GSE1: variants seen among roughly 807,000 people sequenced by gnomAD.
GSE1 encodes genetic suppressor element 1.
Under a neutral mutation model 112.6 loss-of-function variants are expected in GSE1, and 32 were observed. The ratio of observed to expected loss-of-function variants is 0.28; its 90% CI spans 0.21 to 0.38. The LOEUF is 0.38. Ranked by LOEUF, GSE1 falls within the 10% of genes least tolerant of loss-of-function variation. GSE1 has a pLI of 1.00. For synonymous variants in GSE1, 1,115 were observed against 735.6 expected, an observed-to-expected ratio of 1.52 and a Z score of -8.35; for missense variants, 2,348 against 1,699.2, an observed-to-expected ratio of 1.38 and a Z score of -6.71.
In GSE1 at chr16:85,666,240, C is replaced by A; in HGVS notation, c.3023C>A (p.Thr1008Asn). Residue 1008 changes from threonine (T) to asparagine (N), a missense_variant, in exon 13 of 16, where the codon ACC becomes AAC. Physicochemically the swap from Thr to Asn is moderately conservative, Grantham distance 65. Transcript: ENST00000253458. ...KDIPVPLSHS[T>N]NGKSKPWEPF... Reference sequence around the variant, plus strand: ...ATTCCTGTGCCGCTGTCCCACAGCACCAATGGGAAGAGCAAGCCGTGGGAG... The same window carrying A: ...ATTCCTGTGCCGCTGTCCCACAGCAACAATGGGAAGAGCAAGCCGTGGGAG... 6.2e-7 allele frequency: 1 copy of A among 1,613,812 alleles called. No individual in the cohort carries two copies. The highest frequency in any genetic ancestry group is 1.1e-5 in the South Asian group (1 of 91,090).
At chr16:85,480,064 G>GC (rs2050623554) in intron 2 of GSE1, among the ~76,000 whole-genome samples, 1 of 152,192 alleles carries the variant, frequency 6.6e-6, no homozygotes, top group Admixed American at 6.5e-5. Flanking sequence ...CCGGTCCCCA[G>GC]CACTTGGTTG....
chr16:85,541,704 G>A (rs896635430), intron 2 of GSE1, among the ~76,000 whole-genome samples: 1 of 152,240 alleles, frequency 6.6e-6, no homozygotes, highest in Admixed American at 6.5e-5. Context: ...GCTGTCTGGA[G>A]GACAGAGCGG....
At position 85,667,814 on chromosome 16, in the gene GSE1, C is replaced by T. The variant is rs575494087; in HGVS notation, c.3131-326C>T. Among the ~76,000 whole-genome samples the T allele has an allele frequency of 1.2e-4, 19 of 152,290 alleles. No individual in the cohort carries two copies. The South Asian group carries it at 2.7e-3, about 22-fold the overall frequency. On this transcript the variant is annotated intron_variant, in intron 13 of 15. Transcript: ENST00000253458. ...GGGAAGTTGCAGTGAGCCGAGATCA[C>T]GCCATTTCTCTCCAGCCTGCTACCC...
At chr16:85,555,447 C>T (rs992481364), upstream of GSE1, 1 of 983,834 alleles carries the variant, frequency 1.0e-6, no homozygotes, top group South Asian at 4.7e-5. Context: ...GCTCCCCAGC[C>T]TGCTTTCTCC....
intron 2 of GSE1, among the ~76,000 whole-genome samples, chr16:85,500,178 C>T (rs527630709): frequency 1.4e-4 from 21 of 152,276 alleles, no homozygotes; most frequent in South Asian, 4.1e-4. Flanking sequence ...AGGTGCAGAG[C>T]GAGGCCCGCT....
intron 1 of GSE1, among the ~76,000 whole-genome samples, chr16:85,606,279 A>C (rs1236548328): frequency 1.3e-5 from 2 of 152,218 alleles, no homozygotes; most frequent in African/African-American, 4.8e-5. Flanking sequence ...AATATGAAAA[A>C]TGGGAACTAG....
chr16:85,653,499 C>G lies in GSE1; in HGVS notation c.427-779C>G, dbSNP rs182532249. 2.0e-5 allele frequency among the ~76,000 whole-genome samples: 3 copies of G among 151,290 alleles called. No homozygotes were observed. In the East Asian group the frequency reaches 6.0e-4, roughly 30 times the overall value. On this transcript the variant is annotated intron_variant, in intron 3 of 15. Transcript: ENST00000253458. ...GGTGGGCTTTGGGCCACTGCCTCCTCCTGCTTTGTGCCTGGAGAAGACCCC... is the reference window on the plus strand; with the variant it reads ...GGTGGGCTTTGGGCCACTGCCTCCTGCTGCTTTGTGCCTGGAGAAGACCCC...
intron 1 of GSE1, among the ~76,000 whole-genome samples, chr16:85,209,762 GC>G (rs1254737331): frequency 6.6e-6 from 1 of 152,210 alleles, no homozygotes; most frequent in Non-Finnish European, 1.5e-5. Context: ...TGCCTGCTGG[GC>G]CTGCCCTGGT....
chr16:85,242,232 A>C (rs1905224763), intron 1 of GSE1, among the ~76,000 whole-genome samples: 1 of 152,150 alleles, frequency 6.6e-6, no homozygotes, highest in African/African-American at 2.4e-5. Context: ...CACAAGCTTC[A>C]GTATCCTCTG....
chr16:85,199,247 G>A (rs1185947925), intron 1 of GSE1, among the ~76,000 whole-genome samples: 1 of 151,914 alleles, frequency 6.6e-6, no homozygotes, highest in African/African-American at 2.4e-5. Flanking sequence ...ATGAGCCACC[G>A]TGCCCCGCCT....
chr16:85,620,137 C>T (rs1032030594), intron 1 of GSE1, among the ~76,000 whole-genome samples: 1 of 152,058 alleles, frequency 6.6e-6, no homozygotes, highest in African/African-American at 2.4e-5. Flanking sequence ...ATAAAAAGAA[C>T]TGGCCAGGCT....
At chr16:85,523,764 C>T (rs554816563) in intron 2 of GSE1, among the ~76,000 whole-genome samples, 33 of 152,338 alleles carry the variant, frequency 2.2e-4, no homozygotes, top group African/African-American at 7.9e-4. Context: ...CCTGGTAGCT[C>T]AGTCTAGGTG....
chr16:85,552,375 A>C (rs1466128851), upstream of GSE1, among the ~76,000 whole-genome samples: 1 of 87,278 alleles, frequency 1.1e-5, no homozygotes, highest in Non-Finnish European at 2.2e-5. Flanking sequence ...CTCTGTGCCC[A>C]GGCTGGAGTG....
At chr16:85,199,101 T>C (rs756408143) in intron 1 of GSE1, among the ~76,000 whole-genome samples, 37 of 152,236 alleles carry the variant, frequency 2.4e-4, no homozygotes, top group Non-Finnish European at 4.3e-4. Flanking sequence ...TGTGCTACCA[T>C]GCCCAGCTAA....
chr16:85,306,640 C>G (rs1452716854), intron 1 of GSE1, among the ~76,000 whole-genome samples: 2 of 152,148 alleles, frequency 1.3e-5, no homozygotes, highest in African/African-American at 4.8e-5. Context: ...CCTCATCCTC[C>G]TGGGTTCAAG....
chr16:85,209,243 C>T (rs2075180876), intron 1 of GSE1, among the ~76,000 whole-genome samples: 1 of 152,156 alleles, frequency 6.6e-6, no homozygotes, highest in Non-Finnish European at 1.5e-5. Flanking sequence ...GAGGTAGGCA[C>T]AATGCTCCCA....
intron 13 of GSE1, among the ~76,000 whole-genome samples, chr16:85,667,812 C>A (rs1345363756): frequency 6.6e-6 from 1 of 152,172 alleles, no homozygotes; most frequent in South Asian, 2.1e-4. Context: ...GAGCCGAGAT[C>A]ACGCCATTTC....
chr16:85,628,904 C>T (rs1260965369), intron 1 of GSE1, among the ~76,000 whole-genome samples: 5 of 152,130 alleles, frequency 3.3e-5, no homozygotes, highest in East Asian at 1.9e-4. Context: ...GTGTCCCCTC[C>T]GAATCTCATG....
At chr16:85,357,824 T>C (rs1056086718) in intron 2 of GSE1, among the ~76,000 whole-genome samples, 3 of 152,146 alleles carry the variant, frequency 2.0e-5, no homozygotes, top group Non-Finnish European at 2.9e-5. Context: ...TCCATACTCC[T>C]TAGGGTTCCA....
Sources: gnomAD v4.1 joint callset for allele counts (sites outside exome capture counted in the v4.1 genomes callset) on GRCh38, gnomAD v4.1.1 for gene constraint, MANE v1.5 for transcripts, NCBI Gene and HGNC (gene_info 2026-07-23, HGNC 2026-07-21) for gene names.